Variants in PHF24 observed in about 807,000 individuals in gnomAD.
The protein encoded by PHF24 is PHD finger protein 24.
PHF24 carries 25 observed loss-of-function variants against 42.6 expected under a neutral mutation model. That is an observed-to-expected ratio of 0.59 (90% confidence interval 0.43 to 0.82). The LOEUF (loss-of-function observed/expected upper bound fraction) is 0.82, where lower values mean the gene tolerates loss of function less well. Among genes scored for constraint, PHF24 ranks in the 40% least tolerant of loss-of-function variants. PHF24 has a pLI of 0.00. For synonymous variants in PHF24, 185 were observed against 204.8 expected, an observed-to-expected ratio of 0.90 and a Z score of 0.83; for missense variants, 470 against 538.1, an observed-to-expected ratio of 0.87 and a Z score of 1.25.
At chr9:34,901,928 T>G in the PHF24 span, among the ~76,000 whole-genome samples, 1 of 152,144 alleles carries the variant, frequency 6.6e-6, no homozygotes, top group African/African-American at 2.4e-5. Flanking sequence ...GTAACTAGTG[T>G]GGGGGTAAAG....
the PHF24 span, among the ~76,000 whole-genome samples, chr9:34,707,023 G>T: frequency 2.0e-5 from 3 of 152,094 alleles, no homozygotes; most frequent in African/African-American, 7.2e-5. Flanking sequence ...TGGGGAAGAG[G>T]TTATGCCCTG....
the PHF24 span, chr9:34,726,793 TA>T: frequency 1.1e-4 from 164 of 1,551,614 alleles, 1 homozygote; most frequent in Non-Finnish European, 1.4e-4. Context: ...GACTCTGATC[TA>T]AAGACATACT....
chr9:34,870,920 G>A, the PHF24 span, among the ~76,000 whole-genome samples: 2 of 152,142 alleles, frequency 1.3e-5, no homozygotes, highest in Non-Finnish European at 2.9e-5. Flanking sequence ...ACATCCATGT[G>A]GTTTTTGTGT....
the PHF24 span, among the ~76,000 whole-genome samples, chr9:34,768,812 A>G: frequency 7.9e-5 from 12 of 152,194 alleles, no homozygotes; most frequent in East Asian, 2.1e-3. Flanking sequence ...TGAAAGTAAA[A>G]CTGTCACTAT....
chr9:34,744,705 T>C, the PHF24 span, among the ~76,000 whole-genome samples: 1 of 152,172 alleles, frequency 6.6e-6, no homozygotes, highest in African/African-American at 2.4e-5. Context: ...AATTGTGCAC[T>C]GGGTAACACT....
chr9:34,858,971 G>A, the PHF24 span, among the ~76,000 whole-genome samples: 7 of 152,118 alleles, frequency 4.6e-5, no homozygotes. Flanking sequence ...TACTAATTAG[G>A]TAAGCATGAT....
chr9:34,723,753 G>A, the PHF24 span: 10 of 1,551,746 alleles, frequency 6.4e-6, no homozygotes, highest in Non-Finnish European at 8.7e-6. Flanking sequence ...GAAGCCTGGG[G>A]CAACACAGTC....
At chr9:34,931,029 T>C in the PHF24 span, among the ~76,000 whole-genome samples, 11 of 152,128 alleles carry the variant, frequency 7.2e-5, no homozygotes, top group African/African-American at 2.7e-4. Flanking sequence ...GTTCTCCTGA[T>C]GGTGAGTGAG....
At chr9:34,770,552 A>G in the PHF24 span, among the ~76,000 whole-genome samples, 4 of 152,222 alleles carry the variant, frequency 2.6e-5, no homozygotes, top group Admixed American at 2.6e-4. Context: ...TCTTGACAAC[A>G]GCTTTTCAGA....
At chr9:34,723,948 G>T in the PHF24 span, 1 of 1,551,258 alleles carries the variant, frequency 6.4e-7, no homozygotes, top group Non-Finnish European at 8.7e-7. Flanking sequence ...CGGCTCCATC[G>T]CCAGGACCCT....
chr9:34,916,649 A>G, the PHF24 span, among the ~76,000 whole-genome samples: 1 of 152,214 alleles, frequency 6.6e-6, no homozygotes, highest in Non-Finnish European at 1.5e-5. Flanking sequence ...GAGTATGACA[A>G]TTTGCAAAGG....
intron 1 of PHF24, among the ~76,000 whole-genome samples, chr9:34,970,052 G>A (rs1018919893): frequency 6.6e-6 from 1 of 152,226 alleles, no homozygotes; most frequent in Non-Finnish European, 1.5e-5. Context: ...TGTTTCCTAT[G>A]ATGAGCAGTT....
the PHF24 span, among the ~76,000 whole-genome samples, chr9:34,677,427 C>T: frequency 9.7e-5 from 10 of 103,534 alleles, no homozygotes; most frequent in Admixed American, 1.3e-4. Context: ...GATGGAGTCT[C>T]GCTCTGTCGC....
At chr9:34,925,922 A>C in the PHF24 span, among the ~76,000 whole-genome samples, 2 of 152,100 alleles carry the variant, frequency 1.3e-5, no homozygotes, top group African/African-American at 4.8e-5. Context: ...TTCCAATTTT[A>C]TGGAGTAGGT....
At chr9:34,747,298 T>G in the PHF24 span, among the ~76,000 whole-genome samples, 1 of 152,086 alleles carries the variant, frequency 6.6e-6, no homozygotes. Context: ...TGCCTATAGT[T>G]TTAACCACTT....
chr9:34,977,311 T>A, intron 6 of PHF24, 68 bp downstream of exon 6: 1 of 1,510,074 alleles, frequency 6.6e-7, no homozygotes, highest in Non-Finnish European at 8.9e-7. Context: ...CAGTGGCCCT[T>A]CCATACCTCC....
At chr9:34,708,747 G>A in the PHF24 span, among the ~76,000 whole-genome samples, 1 of 152,336 alleles carries the variant, frequency 6.6e-6, no homozygotes, top group South Asian at 2.1e-4. Flanking sequence ...GGGTCTCAGA[G>A]GTCTGCAGAG....
At chr9:34,892,754 A>G in the PHF24 span, 105 of 501,208 alleles carry the variant, frequency 2.1e-4, no homozygotes, top group Non-Finnish European at 3.5e-4. Context: ...CAGAGATCCC[A>G]TGACCTGGGA....
At chr9:34,848,263 T>C in the PHF24 span, among the ~76,000 whole-genome samples, 1 of 151,798 alleles carries the variant, frequency 6.6e-6, no homozygotes. Flanking sequence ...TGTTGATTAT[T>C]GCCACAATTT....
Sources: gnomAD v4.1 joint callset for allele counts (sites outside exome capture counted in the v4.1 genomes callset) on GRCh38, gnomAD v4.1.1 for gene constraint, MANE v1.5 for transcripts, NCBI Gene and HGNC (gene_info 2026-07-23, HGNC 2026-07-21) for gene names.